Variants in TUSC3 observed in about 807,000 individuals in gnomAD.
TUSC3 encodes the protein dolichyl-diphosphooligosaccharide--protein glycosyltransferase subunit TUSC3.
Under a neutral mutation model 44.8 loss-of-function variants are expected in TUSC3, and 45 were observed. The ratio of observed to expected loss-of-function variants is 1.00; its 90% confidence interval spans 0.79 to 1.29. The LOEUF is 1.29. Ranked by LOEUF, TUSC3 falls within the 50% of genes most tolerant of loss-of-function variation. The probability of loss-of-function intolerance (pLI) is 0.00; values close to 1 mark genes in which losing one functional copy is unlikely to be tolerated. For missense variants in TUSC3, 519 were observed against 437.9 expected (o/e 1.19, Z -1.65); for synonymous variants, 212 against 152.9 (o/e 1.39, Z -2.85).
chr8:15,852,063 T>C, the TUSC3 span, among the ~76,000 whole-genome samples: 1 of 152,118 alleles, frequency 6.6e-6, no homozygotes, highest in African/African-American at 2.4e-5. Flanking sequence ...GAACTGTGAG[T>C]CCATTAAACC....
the TUSC3 span, among the ~76,000 whole-genome samples, chr8:15,803,388 A>G: frequency 0.011 from 1,695 of 152,322 alleles, 90 homozygotes; most frequent in Admixed American, 0.084. Flanking sequence ...TTCTTTCAAC[A>G]TGCGCTATAA....
chr8:15,477,136 G>A (rs539007644), intron 1 of TUSC3, among the ~76,000 whole-genome samples: 3 of 152,238 alleles, frequency 2.0e-5, no homozygotes, highest in African/African-American at 7.2e-5. Flanking sequence ...AAGTTGGGGA[G>A]TTTCTTTTGA....
chr8:15,691,987 G>T (rs991102617), intron 6 of TUSC3, among the ~76,000 whole-genome samples: 1 of 152,016 alleles, frequency 6.6e-6, no homozygotes, highest in African/African-American at 2.4e-5. Context: ...CACCATGTTG[G>T]CCAGGCTGGT....
chr8:15,741,011 C>CAGAG lies in TUSC3; in HGVS notation c.863-2526_863-2525insGAGA, dbSNP rs1811170468. ...TTACTCATAGTTTTCAACATTGTAA[C>CAGAG]AATACAGAGGGAGAGTAGTAAAAAT... is the stretch of plus-strand genomic sequence containing the variant. On this transcript the variant is annotated intron_variant, in intron 7 of 10. Coordinates refer to ENST00000503731, the MANE Select transcript of TUSC3 (RefSeq NM_006765.4). Among the ~76,000 whole-genome samples the CAGAG allele has an allele frequency of 2.0e-5, 3 of 152,140 alleles. No homozygotes were observed. In the East Asian group the frequency reaches 5.8e-4, roughly 29 times the overall value.
At chr8:15,529,123 C>G (rs7008938) in intron 2 of TUSC3, among the ~76,000 whole-genome samples, 4,453 of 152,258 alleles carry the variant, frequency 0.029, 207 homozygotes, top group African/African-American at 0.1. Flanking sequence ...AAATCATATG[C>G]TGTTTTTTTC....
chr8:15,554,188 A>G lies in TUSC3; in HGVS notation c.138+13620A>G, dbSNP rs75675141. ...ACCCCACCTTCCTTGTATCATCACA[A>G]TGGTGATAAGGTTTCAACATAAGAA... On this transcript the variant is annotated intron_variant, in intron 1 of 10. Transcript: ENST00000503731. Among the ~76,000 whole-genome samples the G allele has an allele frequency of 5.3e-3, 808 of 151,818 alleles. 11 individuals are homozygous for G. Among genetic ancestry groups the G allele is most frequent in the African/African-American group, 0.018 (764 of 41,514 alleles).
chr8:15,649,866 A>G (rs1806811698), intron 2 of TUSC3, among the ~76,000 whole-genome samples: 1 of 151,768 alleles, frequency 6.6e-6, no homozygotes, highest in Non-Finnish European at 1.5e-5. Context: ...GAGAGGGGGG[A>G]GATAAACTCT....
chr8:15,554,440 C>G (rs1027526866), intron 1 of TUSC3, among the ~76,000 whole-genome samples: 1 of 151,398 alleles, frequency 6.6e-6, no homozygotes, highest in Non-Finnish European at 1.5e-5. Context: ...CAGCCAGGGT[C>G]TCTGAATGAC....
chr8:15,816,719 A>T, the TUSC3 span, among the ~76,000 whole-genome samples: 35 of 152,296 alleles, frequency 2.3e-4, no homozygotes, highest in African/African-American at 8.2e-4. Flanking sequence ...CTCAAATTAC[A>T]CCTTTTCCAA....
At chr8:15,567,004 A>C (rs17121668) in intron 1 of TUSC3, among the ~76,000 whole-genome samples, 2 of 152,224 alleles carry the variant, frequency 1.3e-5, no homozygotes, top group South Asian at 4.2e-4. Flanking sequence ...CTTTTATACT[A>C]TGTGCTCTTG....
At chr8:15,424,652 G>A (rs963790872) in intron 1 of TUSC3, among the ~76,000 whole-genome samples, 1 of 152,136 alleles carries the variant, frequency 6.6e-6, no homozygotes, top group African/African-American at 2.4e-5. Flanking sequence ...AGGCCGAGGT[G>A]GATGGATCAC....
At chr8:15,522,248 T>C (rs990120615) in intron 2 of TUSC3, among the ~76,000 whole-genome samples, 13 of 151,972 alleles carry the variant, frequency 8.6e-5, no homozygotes, top group East Asian at 7.7e-4. Flanking sequence ...TTTTTTTTTT[T>C]CTTTGAGACA....
intron 6 of TUSC3, among the ~76,000 whole-genome samples, chr8:15,693,140 T>C (rs1162768557): frequency 6.6e-6 from 1 of 152,218 alleles, no homozygotes; most frequent in Non-Finnish European, 1.5e-5. Flanking sequence ...AATTGGGGCA[T>C]TTAGCCTGTT....
intron 2 of TUSC3, among the ~76,000 whole-genome samples, chr8:15,646,754 G>C (rs978310342): frequency 1.3e-5 from 2 of 152,090 alleles, no homozygotes; most frequent in Non-Finnish European, 2.9e-5. Flanking sequence ...GATCCTACCA[G>C]AGAATGTTTC....
intron 9 of TUSC3, chr8:15,748,696 A>ATT: frequency 1.5e-6 from 1 of 663,106 alleles, no homozygotes; most frequent in Non-Finnish European, 2.8e-6. Flanking sequence ...AGACATACAT[A>ATT]TTTTTATATA....
intron 1 of TUSC3, among the ~76,000 whole-genome samples, chr8:15,613,043 T>C (rs77288941): frequency 0.19 from 28,123 of 145,672 alleles, 2,673 homozygotes; most frequent in South Asian, 0.27. Context: ...CGCATATCAA[T>C]ATAAGCCATA....
In TUSC3 at chr8:15,573,308, A is replaced by G. The variant is rs191877909; in HGVS notation, c.138+32740A>G. Among the ~76,000 whole-genome samples the G allele has an allele frequency of 1.1e-4, 17 of 150,244 alleles. No individual in the cohort carries two copies. The Admixed American group carries it at 1.1e-3, about 10-fold the overall frequency. On this transcript the variant is annotated intron_variant, in intron 1 of 10. Coordinates refer to ENST00000503731, the MANE Select transcript of TUSC3 (RefSeq NM_006765.4). Reference sequence around the variant, plus strand: ...ATTATTCTGTTTGAGAAAGGGAGTCAGAGCTGCCTTCCAATCCACATCCAG... The same window carrying G: ...ATTATTCTGTTTGAGAAAGGGAGTCGGAGCTGCCTTCCAATCCACATCCAG...
Position 15,745,283 on chromosome 8 carries a change from T to A in TUSC3, c.937+1671T>A, listed in dbSNP as rs535268560. 1.2e-3 allele frequency among the ~76,000 whole-genome samples: 179 copies of A among 152,172 alleles called. No individual in the cohort carries two copies. In the Middle Eastern group the frequency reaches 0.014, roughly 12 times the overall value. On this transcript the variant is annotated intron_variant, in intron 8 of 10. Transcript: ENST00000503731. Reference sequence around the variant, plus strand: ...TGTAGTAAACATAAGAGTGCATGGGTCTTTTTGGTGGAGTGATTTATTTTT... The same window carrying A: ...TGTAGTAAACATAAGAGTGCATGGGACTTTTTGGTGGAGTGATTTATTTTT...
In TUSC3 at chr8:15,666,187, A is replaced by G. The variant is rs187979847; in HGVS notation, c.708+3891A>G. ...TCTTCATGGCAACCTAAAGGTCCTC[A>G]TAGGTGACTGTCATTTCAAGCCAGA... On this transcript the variant is annotated intron_variant, in intron 5 of 10. Coordinates refer to ENST00000503731, the MANE Select transcript of TUSC3 (RefSeq NM_006765.4). Among the ~76,000 whole-genome samples the G allele has an allele frequency of 5.9e-5, 9 of 151,624 alleles. No homozygotes were observed. The East Asian group carries it at 1.6e-3, about 26-fold the overall frequency.
Sources: allele counts gnomAD v4.1 joint callset (sites outside exome capture counted in the v4.1 genomes callset), GRCh38; gene constraint gnomAD v4.1.1; transcripts MANE v1.5; gene names NCBI Gene and HGNC (gene_info 2026-07-23, HGNC 2026-07-21).